COL9A1: variants seen among roughly 807,000 people sequenced by gnomAD.
COL9A1 encodes the protein collagen alpha-1(IX) chain.
A neutral mutation model predicts 142.6 loss-of-function variants in COL9A1; 104 were observed. The observed-to-expected ratio is 0.73, with a 90% CI of 0.62 to 0.86. The LOEUF (loss-of-function observed/expected upper bound fraction) is 0.86, where lower values mean the gene tolerates loss of function less well. Among genes scored for constraint, COL9A1 ranks in the 40% least tolerant of loss-of-function variants. The probability of loss-of-function intolerance (pLI) is 0.00; values close to 1 mark genes in which losing one functional copy is unlikely to be tolerated. For missense variants in COL9A1, 1,210 were observed against 1,176.6 expected (o/e 1.03, Z -0.42); for synonymous variants, 466 against 396.0 (o/e 1.18, Z -2.10).
In COL9A1 at chr6:70,300,364, A is replaced by G. The variant is rs1222159277; in HGVS notation, c.111T>C (p.Ser37=). ...TTGGACAGAGTTCATTTCCACCATT[A>G]GAATTGGAATTGACAGGGAATCCTG... ...RRPRFPVNSN[S]NGGNELCPKI... Residue 37 remains serine, a synonymous_variant, in exon 3 of 38, where the codon TCT becomes TCC. Transcript: ENST00000357250. The G allele has an allele frequency of 6.2e-7, 1 of 1,613,454 alleles. No homozygotes were observed. The highest frequency in any genetic ancestry group is 8.5e-7 in the Non-Finnish European group (1 of 1,179,578).
At chr6:70,253,139 T>C (rs2127575236) in intron 26 of COL9A1, 1 of 386,550 alleles carries the variant, frequency 2.6e-6, no homozygotes, top group Non-Finnish European at 4.9e-6. Context: ...TAAAATTTTC[T>C]GTTTTATACT....
intron 19 of COL9A1, 108 bp downstream of exon 19, chr6:70,263,136 T>A: frequency 1.2e-6 from 1 of 856,382 alleles, no homozygotes; most frequent in Non-Finnish European, 1.8e-6. Flanking sequence ...GGACACCAAG[T>A]TCATGTAATG....
At position 70,294,305 on chromosome 6, in the gene COL9A1, G is replaced by T. The variant is rs190204582; in HGVS notation, c.558C>A (p.Gly186=). Reference sequence around the variant, plus strand: ...AAAGAGTAGCACTACTCCTCTCCACGCCAATCATGATCTTATGCCACTGGG... The same window carrying T: ...AAAGAGTAGCACTACTCCTCTCCACTCCAATCATGATCTTATGCCACTGGG... ...FDSQWHKIMI[G]VERSSATLFV... The change falls in exon 5 of 38, where the codon GGC becomes GGA. Residue 186 remains glycine, a synonymous_variant. Transcript: ENST00000357250. 6.2e-7 allele frequency: 1 copy of T among 1,613,954 alleles called. No individual in the cohort carries two copies. The highest frequency in any genetic ancestry group is 1.3e-5 in the African/African-American group (1 of 75,004).
Position 70,235,771 on chromosome 6 carries a change from T to C in COL9A1, c.2113-831A>G, listed in dbSNP as rs546988189. ...GATGCCAGGTATATCCAGGAATTAC[T>C]AAACTAAATCAATGCACTTAAAATA... On this transcript the variant is annotated intron_variant, in intron 33 of 37. Transcript: ENST00000357250. 3.9e-5 allele frequency among the ~76,000 whole-genome samples: 6 copies of C among 152,232 alleles called. No individual in the cohort carries two copies. In the South Asian group the frequency reaches 1.2e-3, roughly 32 times the overall value.
chr6:70,283,776 G>A lies in COL9A1; in HGVS notation c.741C>T (p.Pro247=), dbSNP rs897704363. 6.2e-7 allele frequency: 1 copy of A among 1,611,496 alleles called. No homozygotes were observed. Among genetic ancestry groups the A allele is most frequent in the African/African-American group, 1.3e-5 (1 of 74,860 alleles). ...GCAGCTCATGGCAAGTTTCTCTCCTGGGCCGCAGGGGGTCACAATGGATCA... is the reference window on the plus strand; with the variant it reads ...GCAGCTCATGGCAAGTTTCTCTCCTAGGCCGCAGGGGGTCACAATGGATCA... ...WMLIHCDPLR[P]RRETCHELPA... The change falls in exon 6 of 38, where the codon CCC becomes CCT. Residue 247 remains proline, a synonymous_variant. Coordinates refer to ENST00000357250, the MANE Select transcript of COL9A1 (RefSeq NM_001851.6).
chr6:70,284,946 G>A (rs1467538476), intron 5 of COL9A1, among the ~76,000 whole-genome samples: 33 of 152,148 alleles, frequency 2.2e-4, no homozygotes, highest in Non-Finnish European at 7.4e-5. Flanking sequence ...ATCCACAGTT[G>A]AGATCACTGG....
At chr6:70,274,115 T>G (rs771348640) in intron 11 of COL9A1, 33 bp from the exon 12 acceptor site, 4 of 1,535,856 alleles carry the variant, frequency 2.6e-6, no homozygotes, top group African/African-American at 1.4e-5. Context: ...TGTACTGACC[T>G]TTCATATCAT....
intron 31 of COL9A1, 49 bp from the exon 32 acceptor site, chr6:70,240,782 C>T (rs374153215): frequency 1.1e-4 from 163 of 1,429,158 alleles, no homozygotes; most frequent in Non-Finnish European, 1.5e-4. Flanking sequence ...AGTCCCATTG[C>T]CCAATTTTAA....
rs112003925 is a variant in COL9A1, at chr6:70,253,400, A to T, written c.1749T>A (p.Gly583=). 3 of 1,604,070 alleles carry T rather than the reference A, an allele frequency of 1.9e-6. No homozygotes were observed. The highest frequency in any genetic ancestry group is 1.7e-6 in the Non-Finnish European group (2 of 1,172,060). The part of the protein sequence containing the change: ...PGVPGIPGAK[G]VAGEKGSTGA... Reference sequence around the variant, plus strand: ...AATATTTTACCTTTTCACCAGCAACACCCTTTGCACCAGGAATTCCAGGTA... The same window carrying T: ...AATATTTTACCTTTTCACCAGCAACTCCCTTTGCACCAGGAATTCCAGGTA... The change falls in exon 26 of 38, where the codon GGT becomes GGA. Residue 583 remains glycine (G), a synonymous_variant. Transcript: ENST00000357250.
chr6:70,263,745 T>A (rs1490612714), intron 18 of COL9A1, among the ~76,000 whole-genome samples: 1 of 151,954 alleles, frequency 6.6e-6, no homozygotes, highest in Non-Finnish European at 1.5e-5. Flanking sequence ...TCATCGTGAT[T>A]TTTATTTTAG....
intron 18 of COL9A1, among the ~76,000 whole-genome samples, chr6:70,265,437 A>G (rs992517659): frequency 6.6e-6 from 1 of 151,350 alleles, no homozygotes; most frequent in Non-Finnish European, 1.5e-5. Flanking sequence ...TGTTTTTTGT[A>G]GTTAACTACT....
chr6:70,284,960 G>T (rs949558597), intron 5 of COL9A1, among the ~76,000 whole-genome samples: 3 of 152,196 alleles, frequency 2.0e-5, no homozygotes, highest in African/African-American at 7.2e-5. Context: ...TCACTGGACA[G>T]AAGATCAAAA....
chr6:70,289,141 T>C (rs1172081441), intron 5 of COL9A1, among the ~76,000 whole-genome samples: 1 of 152,104 alleles, frequency 6.6e-6, no homozygotes, highest in Non-Finnish European at 1.5e-5. Flanking sequence ...TTGGATTAGA[T>C]GCAAAGTTTC....
chr6:70,294,466 T>C lies in COL9A1; in HGVS notation c.397A>G (p.Ile133Val). 1.2e-6 allele frequency: 2 copies of C among 1,614,134 alleles called. No homozygotes were observed. Among genetic ancestry groups the C allele is most frequent in the Non-Finnish European group, 1.7e-6 (2 of 1,179,980 alleles). Residue 133 changes from isoleucine to valine, a missense_variant, in exon 5 of 38, where the codon ATT (isoleucine) becomes GTT (valine). By Grantham distance (29) the Ile-to-Val change is conservative. Transcript: ENST00000357250. ...TLKKNWNIWQ[I>V]QDSSGKEQVG... ...TGCTCCTTCCCAGAGGAATCCTGAA[T>C]CTGCCAAATGTTCCAGTTCTTTTTG...
intron 36 of COL9A1, among the ~76,000 whole-genome samples, chr6:70,229,418 G>A (rs942257032): frequency 6.6e-6 from 1 of 152,104 alleles, no homozygotes; most frequent in Non-Finnish European, 1.5e-5. Context: ...AGCTTCAGCA[G>A]AAAAACAGCT....
At chr6:70,233,404 A>C (rs1769683809) in intron 35 of COL9A1, among the ~76,000 whole-genome samples, 1 of 152,218 alleles carries the variant, frequency 6.6e-6, no homozygotes, top group South Asian at 2.1e-4. Flanking sequence ...TTAGTCTTAA[A>C]AATTAATAAC....
chr6:70,283,385 G>A (rs1773298308), intron 6 of COL9A1: 1 of 776,484 alleles, frequency 1.3e-6, no homozygotes, highest in Admixed American at 2.9e-5. Context: ...GCAGCTTCTG[G>A]CTGTCCTCGG....
chr6:70,255,451 A>G, intron 21 of COL9A1, 61 bp from the exon 22 acceptor site: 2 of 1,445,330 alleles, frequency 1.4e-6, no homozygotes, highest in Non-Finnish European at 1.9e-6. Flanking sequence ...AACTTTTAAA[A>G]ATTAGAAAGT....
intron 19 of COL9A1, 28 bp downstream of exon 19, chr6:70,263,216 G>A: frequency 6.6e-7 from 1 of 1,519,314 alleles, no homozygotes; most frequent in South Asian, 1.2e-5. Context: ...ACATATCCTA[G>A]TTAAATATTT....
Sources: allele counts gnomAD v4.1 joint callset (sites outside exome capture counted in the v4.1 genomes callset), GRCh38; gene constraint gnomAD v4.1.1; transcripts MANE v1.5; gene names NCBI Gene and HGNC (gene_info 2026-07-23, HGNC 2026-07-21).